The following CCDC150 variants were observed in gnomAD, a reference collection of about 807,000 sequenced individuals.
CCDC150 encodes the protein coiled-coil domain containing 150.
CCDC150 carries 151 observed loss-of-function variants against 156.5 expected under a neutral mutation model. The observed-to-expected ratio is 0.97, with a 90% CI of 0.85 to 1.10. The LOEUF is 1.10. Ranked by LOEUF, CCDC150 falls within the 50% of genes least tolerant of loss-of-function variation. The probability of loss-of-function intolerance (pLI) is 0.00; values close to 1 mark genes in which losing one functional copy is unlikely to be tolerated. For synonymous variants in CCDC150, 452 were observed against 429.4 expected, an observed-to-expected ratio of 1.05 and a Z score of -0.65; for missense variants, 1,312 against 1,268.1, an observed-to-expected ratio of 1.03 and a Z score of -0.53.
intron 21 of CCDC150, among the ~76,000 whole-genome samples, 170 bp downstream of exon 21, chr2:196,721,861 T>TG (rs1697938289): frequency 6.6e-6 from 1 of 152,192 alleles, no homozygotes; most frequent in African/African-American, 2.4e-5. Context: ...CACCAGCAGG[T>TG]AATAGCTGGC....
chr2:196,720,072 T>G (rs894401305), intron 19 of CCDC150: 18 of 387,642 alleles, frequency 4.6e-5, no homozygotes, highest in African/African-American at 3.7e-4. Context: ...TCAAGATTAA[T>G]AATTATTTTA....
intron 9 of CCDC150, among the ~76,000 whole-genome samples, 196 bp downstream of exon 9, chr2:196,672,633 A>G (rs1217122413): frequency 6.6e-6 from 1 of 152,150 alleles, no homozygotes; most frequent in Non-Finnish European, 1.5e-5. Flanking sequence ...CCAAATTCCT[A>G]TGATATATAA....
At chr2:196,680,433 C>A (rs941165548) in intron 13 of CCDC150, among the ~76,000 whole-genome samples, 1 of 152,128 alleles carries the variant, frequency 6.6e-6, no homozygotes, top group African/African-American at 2.4e-5. Flanking sequence ...TCCTGAGTAG[C>A]TGGGACTGCA....
intron 15 of CCDC150, among the ~76,000 whole-genome samples, chr2:196,708,377 C>A (rs4850728): frequency 0.78 from 118,889 of 152,070 alleles, 46,667 homozygotes; most frequent in East Asian, 0.95. Flanking sequence ...TCCTCCATCC[C>A]TTTATTTTGA....
At chr2:196,691,167 T>G (rs1048007336) in intron 13 of CCDC150, among the ~76,000 whole-genome samples, 1 of 152,190 alleles carries the variant, frequency 6.6e-6, no homozygotes, top group African/African-American at 2.4e-5. Flanking sequence ...GAAGTTTTCT[T>G]TTTTTGTCAT....
intron 3 of CCDC150, 40 bp from the exon 4 acceptor site, chr2:196,656,918 T>C (rs755078518): frequency 6.2e-7 from 1 of 1,611,770 alleles, no homozygotes; most frequent in Non-Finnish European, 8.5e-7. Context: ...TTACTGACCT[T>C]CTTTCTGCTG....
intron 2 of CCDC150, among the ~76,000 whole-genome samples, chr2:196,647,822 A>G (rs1692634720): frequency 6.6e-6 from 1 of 152,190 alleles, no homozygotes; most frequent in South Asian, 2.1e-4. Context: ...ATTATAGTCA[A>G]GGTACTTTGC....
chr2:196,648,724 A>C (rs1233952989), intron 2 of CCDC150, among the ~76,000 whole-genome samples: 1 of 152,144 alleles, frequency 6.6e-6, no homozygotes, highest in Non-Finnish European at 1.5e-5. Flanking sequence ...ACCAATGTCA[A>C]AGAGGTTTTC....
intron 1 of CCDC150, 56 bp downstream of exon 1, chr2:196,639,834 G>A (rs1016054232): frequency 3.3e-6 from 5 of 1,521,884 alleles, no homozygotes; most frequent in Non-Finnish European, 4.5e-6. Context: ...GCGAGGCTTC[G>A]GCTCAGATAA....
At chr2:196,692,280 G>A (rs1011581676) in intron 13 of CCDC150, among the ~76,000 whole-genome samples, 7 of 150,760 alleles carry the variant, frequency 4.6e-5, no homozygotes, top group Non-Finnish European at 8.9e-5. Context: ...GACTACAGGC[G>A]CCCGCCACCG....
intron 1 of CCDC150, among the ~76,000 whole-genome samples, chr2:196,642,747 A>G (rs1169609676): frequency 6.7e-6 from 1 of 150,314 alleles, no homozygotes; most frequent in Non-Finnish European, 1.5e-5. Flanking sequence ...TTCATTTTTT[A>G]TTTTTTTTTA....
chr2:196,702,367 G>GTGTGTGTA (rs1553562658), intron 15 of CCDC150, among the ~76,000 whole-genome samples: 2 of 151,712 alleles, frequency 1.3e-5, no homozygotes, highest in Non-Finnish European at 2.9e-5. Context: ...GTGTGTGTGT[G>GTGTGTGTA]TGTGTGTGTG....
At chr2:196,677,781 A>T (rs1374905052) in intron 13 of CCDC150, among the ~76,000 whole-genome samples, 3 of 152,244 alleles carry the variant, frequency 2.0e-5, no homozygotes. Context: ...ATTTGAGGTC[A>T]GGAGTTCGAG....
At chr2:196,666,400 C>A (rs1159652636) in intron 6 of CCDC150, among the ~76,000 whole-genome samples, 1 of 152,158 alleles carries the variant, frequency 6.6e-6, no homozygotes, top group Admixed American at 6.5e-5. Flanking sequence ...ACTTGCAATG[C>A]CAATATGGTA....
At chr2:196,651,162 A>G (rs1692851312) in intron 2 of CCDC150, among the ~76,000 whole-genome samples, 1 of 152,086 alleles carries the variant, frequency 6.6e-6, no homozygotes, top group Non-Finnish European at 1.5e-5. Flanking sequence ...GCATGGCTGA[A>G]CTCCACACTT....
chr2:196,696,183 G>A (rs1695815321), intron 14 of CCDC150, among the ~76,000 whole-genome samples: 5 of 152,000 alleles, frequency 3.3e-5, no homozygotes, highest in Admixed American at 2.6e-4. Context: ...GTCAAAATGA[G>A]GATAATAATG....
chr2:196,646,559 T>A (rs991299838), intron 2 of CCDC150, 55 bp downstream of exon 2: 1 of 1,387,610 alleles, frequency 7.2e-7, no homozygotes, highest in African/African-American at 1.4e-5. Flanking sequence ...TCACTGCTTA[T>A]TAAGTCACAG....
intron 6 of CCDC150, 67 bp from the exon 7 acceptor site, chr2:196,666,652 G>C (rs1693856044): frequency 7.6e-7 from 1 of 1,309,984 alleles, no homozygotes; most frequent in Admixed American, 2.5e-5. Context: ...CCTTATACAT[G>C]TGCTATAAGG....
chr2:196,713,922 A>T lies in CCDC150; in HGVS notation c.1866+1183A>T, dbSNP rs184247305. Among the ~76,000 whole-genome samples, 156 of 152,294 alleles carry T rather than the reference A, an allele frequency of 1.0e-3. 1 individual carries two copies. Among genetic ancestry groups the T allele is most frequent in the African/African-American group, 3.6e-3 (149 of 41,578 alleles). On this transcript the variant is annotated intron_variant, in intron 17 of 27. Transcript: ENST00000389175. Reference sequence around the variant, plus strand: ...GTTTTTTATATAATTTTGATTTTTTAAAAAATTCAAAATTTCTACCTAATC... The same window carrying T: ...GTTTTTTATATAATTTTGATTTTTTTAAAAATTCAAAATTTCTACCTAATC...
Sources: gnomAD v4.1 joint callset for allele counts (sites outside exome capture counted in the v4.1 genomes callset) on GRCh38, gnomAD v4.1.1 for gene constraint, MANE v1.5 for transcripts, NCBI Gene and HGNC (gene_info 2026-07-23, HGNC 2026-07-21) for gene names.